Variants in SLC30A8 observed in about 807,000 individuals in gnomAD.
SLC30A8 encodes the protein proton-coupled zinc antiporter SLC30A8.
A neutral mutation model predicts 36.9 loss-of-function variants in SLC30A8; 27 were observed. The ratio of observed to expected loss-of-function variants is 0.73; its 90% CI spans 0.54 to 1.01. The LOEUF is 1.01. Among genes scored for constraint, SLC30A8 ranks in the 50% least tolerant of loss-of-function variants. The pLI is 0.00. For missense variants in SLC30A8, 439 were observed against 452.0 expected (o/e 0.97, Z 0.26); for synonymous variants, 164 against 172.4 (o/e 0.95, Z 0.38).
intron 1 of SLC30A8, among the ~76,000 whole-genome samples, chr8:116,955,745 AG>A (rs992713609): frequency 3.3e-5 from 5 of 151,890 alleles, no homozygotes; most frequent in African/African-American, 1.2e-4. Flanking sequence ...ATAAAAAAAA[AG>A]AAAACAAAAA....
chr8:117,165,815 C>G (rs937126398), intron 6 of SLC30A8, among the ~76,000 whole-genome samples: 2 of 152,144 alleles, frequency 1.3e-5, no homozygotes, highest in African/African-American at 4.8e-5. Context: ...AGAATGAAAT[C>G]CTGTTATTTG....
At chr8:117,101,984 T>C (rs1463446968) in intron 2 of SLC30A8, among the ~76,000 whole-genome samples, 3 of 152,210 alleles carry the variant, frequency 2.0e-5, no homozygotes, top group Non-Finnish European at 2.9e-5. Flanking sequence ...CCCTGACTAA[T>C]ACATATGGTA....
chr8:117,044,170 G>C (rs917925289), intron 2 of SLC30A8, among the ~76,000 whole-genome samples: 1 of 152,180 alleles, frequency 6.6e-6, no homozygotes, highest in African/African-American at 2.4e-5. Flanking sequence ...CAAGTGAAGA[G>C]CCTGGGGTAA....
intron 1 of SLC30A8, among the ~76,000 whole-genome samples, chr8:117,139,088 G>A (rs371053533): frequency 6.6e-5 from 10 of 151,564 alleles, no homozygotes; most frequent in Middle Eastern, 3.4e-3. Flanking sequence ...GCAAAGACAG[G>A]CAGAAAAAGA....
chr8:117,043,659 A>G (rs941870135), intron 2 of SLC30A8, among the ~76,000 whole-genome samples: 28 of 152,268 alleles, frequency 1.8e-4, no homozygotes, highest in Middle Eastern at 6.8e-3. Flanking sequence ...AATACGGATA[A>G]TATTGTGACA....
chr8:117,069,928 T>G (rs1433709094), intron 2 of SLC30A8, among the ~76,000 whole-genome samples: 4 of 152,220 alleles, frequency 2.6e-5, no homozygotes, highest in Non-Finnish European at 4.4e-5. Flanking sequence ...TTTGCACATA[T>G]AATTTGACTT....
chr8:117,157,618 T>C, intron 3 of SLC30A8, 73 bp from the exon 4 acceptor site: 1 of 1,537,138 alleles, frequency 6.5e-7, no homozygotes, highest in South Asian at 1.2e-5. Flanking sequence ...AAGTGTCTTA[T>C]GACTCTTGGG....
At chr8:116,967,923 G>A (rs1407898024) in intron 1 of SLC30A8, among the ~76,000 whole-genome samples, 1 of 152,142 alleles carries the variant, frequency 6.6e-6, no homozygotes, top group Admixed American at 6.5e-5. Context: ...AAGATGCAAT[G>A]CAGTATCATA....
At position 117,161,886 on chromosome 8, in the gene SLC30A8, A is replaced by C; in HGVS notation, c.721A>C (p.Lys241Gln). Reference protein sequence around the residue: ...VLISALIIYFKPEYKIADPIC... With the variant: ...VLISALIIYFQPEYKIADPIC... ...AATTAGTGCACTTATTATCTACTTT[A>C]AGGTGAGTTTGAGTTTACCCACCAT... The change falls in exon 5 of 8, where the codon AAG (lysine) becomes CAG (glutamine). Residue 241 changes from lysine to glutamine, a missense_variant and splice_region_variant. Coordinates refer to ENST00000456015, the MANE Select transcript of SLC30A8 (RefSeq NM_173851.3). 6.2e-7 allele frequency: 1 copy of C among 1,611,270 alleles called. No individual in the cohort carries two copies.
At chr8:117,131,288 T>C (rs1401593562), upstream of SLC30A8, among the ~76,000 whole-genome samples, 2 of 152,056 alleles carry the variant, frequency 1.3e-5, no homozygotes, top group African/African-American at 2.4e-5. Context: ...TTCACATTTC[T>C]AGATGAAACC....
intron 1 of SLC30A8, among the ~76,000 whole-genome samples, chr8:117,020,329 T>G (rs1816659588): frequency 6.6e-6 from 1 of 152,204 alleles, no homozygotes; most frequent in Non-Finnish European, 1.5e-5. Flanking sequence ...CTAAATTAAC[T>G]ATCGTTTTAT....
chr8:117,138,505 A>G (rs2130941745), intron 1 of SLC30A8, among the ~76,000 whole-genome samples: 1 of 152,086 alleles, frequency 6.6e-6, no homozygotes, highest in South Asian at 2.1e-4. Context: ...CCCAGCTTCC[A>G]GTTAAAGATC....
intron 5 of SLC30A8, 32 bp from the exon 6 acceptor site, chr8:117,163,393 C>T: frequency 6.5e-7 from 1 of 1,530,428 alleles, no homozygotes. Context: ...GGTATGAATT[C>T]AGTTAACCAA....
Position 117,045,918 on chromosome 8 carries a change from GT to G in SLC30A8, c.-226+6671del, listed in dbSNP as rs112616300. ...TTTTCAAGGAGAGCCTGGGCAGACT[GT>G]TTTTTTTTTTCCCCCTTCTTTTTTC... On this transcript the variant is annotated intron_variant, in intron 2 of 10. Transcript: ENST00000427715. Among the ~76,000 whole-genome samples the G allele has an allele frequency of 4.0e-3, 569 of 140,634 alleles. 7 individuals carry two copies. Among genetic ancestry groups the G allele is most frequent in the Admixed American group, 0.019 (275 of 14,136 alleles). 92.3% of individuals were successfully genotyped at this position (140,634 alleles called of 152,430 possible). A position where few individuals can be genotyped will look rare whatever the true frequency, so the allele number is the denominator to read the frequency against.
intron 2 of SLC30A8, among the ~76,000 whole-genome samples, chr8:117,097,422 T>TA (rs1819435812): frequency 3.0e-5 from 3 of 99,476 alleles, no homozygotes; most frequent in African/African-American, 1.3e-4. Flanking sequence ...AAAAAAAATA[T>TA]ATATAAATAT....
At chr8:117,127,371 A>C (rs1820949871) in intron 2 of SLC30A8, among the ~76,000 whole-genome samples, 1 of 152,022 alleles carries the variant, frequency 6.6e-6, no homozygotes, top group Non-Finnish European at 1.5e-5. Flanking sequence ...GTTTGTAAAC[A>C]CTATGCTGAA....
chr8:117,058,986 A>T (rs998722758), intron 2 of SLC30A8, among the ~76,000 whole-genome samples: 1 of 151,988 alleles, frequency 6.6e-6, no homozygotes, highest in Non-Finnish European at 1.5e-5. Flanking sequence ...TACCTAATTT[A>T]AAAAAATTGC....
At chr8:117,099,948 T>G (rs1819636932) in intron 2 of SLC30A8, among the ~76,000 whole-genome samples, 1 of 152,034 alleles carries the variant, frequency 6.6e-6, no homozygotes, top group Non-Finnish European at 1.5e-5. Flanking sequence ...GGAAGTGAGG[T>G]TTAGAGGTTG....
chr8:116,961,045 G>C lies in SLC30A8; in HGVS notation c.-266+9926G>C, dbSNP rs566265310. On this transcript the variant is annotated intron_variant, in intron 1 of 10. Transcript: ENST00000427715. Reference sequence around the variant, plus strand: ...GGTGGGGAGGAAGGGAGAAAAGAAGGGAAGAAGGAAAATGAAATAAAACTG... The same window carrying C: ...GGTGGGGAGGAAGGGAGAAAAGAAGCGAAGAAGGAAAATGAAATAAAACTG... Among the ~76,000 whole-genome samples, 4 of 152,190 alleles carry C rather than the reference G, an allele frequency of 2.6e-5. No homozygotes were observed. The East Asian group carries it at 7.7e-4, about 29-fold the overall frequency.
Sources: allele counts gnomAD v4.1 joint callset (sites outside exome capture counted in the v4.1 genomes callset), GRCh38; gene constraint gnomAD v4.1.1; transcripts MANE v1.5; gene names NCBI Gene and HGNC (gene_info 2026-07-23, HGNC 2026-07-21).